DCDC1: variants seen among roughly 807,000 people sequenced by gnomAD.
DCDC1 encodes doublecortin domain containing 1.
Under a neutral mutation model 178.3 loss-of-function variants are expected in DCDC1, and 200 were observed. That is an observed-to-expected ratio of 1.12 (90% confidence interval 1.00 to 1.26). The LOEUF (loss-of-function observed/expected upper bound fraction) is 1.26, where lower values mean the gene tolerates loss of function less well. DCDC1 is among the 50% of genes most tolerant of loss of function. The probability of loss-of-function intolerance (pLI) is 0.00; values close to 1 mark genes in which losing one functional copy is unlikely to be tolerated. For synonymous variants in DCDC1, 690 were observed against 604.8 expected (o/e 1.14, Z -2.07); for missense variants, 1,983 against 1,749.2 (o/e 1.13, Z -2.38).
chr11:31,255,822 T>A lies in DCDC1; in HGVS notation c.1054+9685A>T, dbSNP rs1944384879. 2.6e-5 allele frequency among the ~76,000 whole-genome samples: 4 copies of A among 152,206 alleles called. No homozygotes were observed. The South Asian group carries it at 6.2e-4, about 24-fold the overall frequency. On this transcript the variant is annotated intron_variant, in intron 8 of 38. Transcript: ENST00000684477. ...TCCTTTGGTGCACAAAAATTCCAAA[T>A]TTAATGAAGTCCAATTTAGCTATTT...
At chr11:31,234,551 C>A (rs1019997912) in intron 9 of DCDC1, among the ~76,000 whole-genome samples, 1 of 152,154 alleles carries the variant, frequency 6.6e-6, no homozygotes, top group Non-Finnish European at 1.5e-5. Context: ...AACACTGATC[C>A]ATTTGAATAG....
intron 36 of DCDC1, among the ~76,000 whole-genome samples, chr11:30,890,845 G>C (rs1362930677): frequency 6.6e-6 from 1 of 152,076 alleles, no homozygotes; most frequent in Non-Finnish European, 1.5e-5. Flanking sequence ...TTGAATTACT[G>C]TATTTCATCC....
At chr11:31,119,490 G>A (rs1960480811) in intron 11 of DCDC1, among the ~76,000 whole-genome samples, 2 of 152,042 alleles carry the variant, frequency 1.3e-5, no homozygotes, top group African/African-American at 4.8e-5. Flanking sequence ...AAATAAGAAC[G>A]ACACGGATCA....
At chr11:31,058,121 A>G (rs1037766991) in intron 20 of DCDC1, among the ~76,000 whole-genome samples, 2 of 152,072 alleles carry the variant, frequency 1.3e-5, no homozygotes, top group African/African-American at 4.8e-5. Flanking sequence ...TATATAGATG[A>G]TATTGACTCA....
At chr11:31,102,023 G>A (rs2135735722) in intron 15 of DCDC1, among the ~76,000 whole-genome samples, 154 bp downstream of exon 15, 1 of 151,514 alleles carries the variant, frequency 6.6e-6, no homozygotes, top group South Asian at 2.1e-4. Context: ...GCTGCAGTGA[G>A]CCGAGATGGC....
chr11:31,110,121 T>A (rs1959106657), intron 12 of DCDC1, 139 bp downstream of exon 12: 1 of 564,214 alleles, frequency 1.8e-6, no homozygotes, highest in Non-Finnish European at 3.2e-6. Flanking sequence ...AATTCAGAAG[T>A]AAATCTTTGT....
At chr11:31,279,233 C>T (rs761880594) in intron 7 of DCDC1, among the ~76,000 whole-genome samples, 9 of 151,882 alleles carry the variant, frequency 5.9e-5, no homozygotes, top group Non-Finnish European at 1.0e-4. Context: ...TTTTACATTT[C>T]ATTTTCTTTT....
At chr11:30,998,813 G>C (rs1486952919) in intron 20 of DCDC1, among the ~76,000 whole-genome samples, 3 of 152,064 alleles carry the variant, frequency 2.0e-5, no homozygotes, top group Non-Finnish European at 4.4e-5. Flanking sequence ...AGTGTGGGCT[G>C]AACTATTTGC....
At chr11:31,024,492 GTGA>G (rs1953092002) in intron 20 of DCDC1, among the ~76,000 whole-genome samples, 1 of 151,906 alleles carries the variant, frequency 6.6e-6, no homozygotes, top group Non-Finnish European at 1.5e-5. Context: ...GAAATTATAT[GTGA>G]TATTGTAAAT....
chr11:31,177,159 T>C (rs1044101109), intron 9 of DCDC1, among the ~76,000 whole-genome samples: 4 of 151,848 alleles, frequency 2.6e-5, no homozygotes, highest in South Asian at 2.1e-4. Flanking sequence ...ATATAAATTG[T>C]TGGGAGGAGG....
chr11:31,166,960 G>A (rs1261341433), intron 9 of DCDC1, among the ~76,000 whole-genome samples: 1 of 151,994 alleles, frequency 6.6e-6, no homozygotes, highest in South Asian at 2.1e-4. Flanking sequence ...TGATATCCTT[G>A]GTACCCCGAA....
intron 11 of DCDC1, among the ~76,000 whole-genome samples, chr11:31,120,937 G>T (rs1960706198): frequency 6.6e-6 from 1 of 152,164 alleles, no homozygotes; most frequent in Non-Finnish European, 1.5e-5. Context: ...AGGAGGAGTT[G>T]CATGGAAAGA....
Position 31,029,287 on chromosome 11 carries a change from G to A in DCDC1, c.2591+35182C>T, listed in dbSNP as rs567657733. On this transcript the variant is annotated intron_variant, in intron 20 of 38. Transcript: ENST00000684477. Reference sequence around the variant, plus strand: ...GCTCCTTATCAATCATAAGCAAAACGGGGTACCAGGAGTGGAAAAAAAATA... The same window carrying A: ...GCTCCTTATCAATCATAAGCAAAACAGGGTACCAGGAGTGGAAAAAAAATA... Among the ~76,000 whole-genome samples, 110 of 151,972 alleles carry A rather than the reference G, an allele frequency of 7.2e-4. 1 individual carries two copies. Among genetic ancestry groups the A allele is most frequent in the Middle Eastern group, 3.4e-3 (1 of 294 alleles).
intron 21 of DCDC1, chr11:30,944,008 A>G (rs1947836218): frequency 8.0e-6 from 2 of 251,034 alleles, no homozygotes; most frequent in African/African-American, 4.5e-5. Flanking sequence ...GGAGAATTGG[A>G]GTCTCACTCA....
chr11:31,012,061 C>T (rs1394395635), intron 20 of DCDC1, among the ~76,000 whole-genome samples: 2 of 152,154 alleles, frequency 1.3e-5, no homozygotes, highest in Non-Finnish European at 2.9e-5. Flanking sequence ...CTCCTTCGCT[C>T]TCTCTTCCTC....
chr11:31,086,477 C>T (rs1401545283), intron 17 of DCDC1, among the ~76,000 whole-genome samples: 1 of 152,136 alleles, frequency 6.6e-6, no homozygotes, highest in Non-Finnish European at 1.5e-5. Context: ...CAAATATTTG[C>T]ATCTTGTGTG....
chr11:31,089,263 T>C (rs1001627800), intron 17 of DCDC1, among the ~76,000 whole-genome samples: 37 of 152,226 alleles, frequency 2.4e-4, no homozygotes, highest in Admixed American at 1.0e-3. Context: ...GTTTTTCCAC[T>C]GTCTTCTTAC....
rs1265320477 is a variant in DCDC1, at chr11:31,103,789, T to A, written c.1752-20A>T. ...GGAGATCTGAAAAACGGATAAAACA[T>A]CAAAACTATCTTCAAAATTAGACAT... On this transcript the variant is annotated intron_variant, in intron 13 of 38. Coordinates refer to ENST00000684477, the MANE Select transcript of DCDC1 (RefSeq NM_001387274.1). The A allele has an allele frequency of 1.7e-5, 13 of 757,758 alleles. No individual in the cohort carries two copies. Among genetic ancestry groups the A allele is most frequent in the Non-Finnish European group, 3.1e-5 (13 of 415,372 alleles). 46.9% of individuals were successfully genotyped at this position (757,758 alleles called of 1,614,324 possible). A position where few individuals can be genotyped will look rare whatever the true frequency, so the allele number is the denominator to read the frequency against.
At chr11:31,331,553 T>C (rs1346334056) in intron 2 of DCDC1, among the ~76,000 whole-genome samples, 1 of 152,168 alleles carries the variant, frequency 6.6e-6, no homozygotes, top group Non-Finnish European at 1.5e-5. Context: ...TGAGATACAT[T>C]CCATCAATAC....
Sources: allele counts gnomAD v4.1 joint callset (sites outside exome capture counted in the v4.1 genomes callset), GRCh38; gene constraint gnomAD v4.1.1; transcripts MANE v1.5; gene names NCBI Gene and HGNC (gene_info 2026-07-23, HGNC 2026-07-21).